RAI1: variants seen among roughly 807,000 people sequenced by gnomAD.
RAI1 encodes the protein retinoic acid induced 1, also known as retinoic acid-induced protein 1.
In RAI1, 9 loss-of-function variants were observed where a neutral mutation model predicts 123.8. The ratio of observed to expected loss-of-function variants is 0.07; its 90% confidence interval spans 0.04 to 0.13. The LOEUF is 0.13. RAI1 is among the 10% of genes least tolerant of loss of function. The pLI is 1.00. For missense variants in RAI1, 2,256 were observed against 2,545.8 expected (o/e 0.89, Z 2.45); for synonymous variants, 1,231 against 1,127.3 (o/e 1.09, Z -1.84).
rs962572167 is a variant in RAI1 at position 17,809,289 on chromosome 17, G to A, written c.5660-101G>A. The stretch of plus-strand genomic sequence containing the variant: ...TTGAAAAGAGCCCCTGCAGTCTGGA[G>A]CCTCGCGGGCAGTGCGGCTCCCCTC... On this transcript the variant is annotated intron_variant, in intron 4 of 5. Transcript: ENST00000353383. This position sits in a 1 kb window ranked among gnomAD's most constrained non-coding sequence, Gnocchi z 4.9. The A allele has an allele frequency of 7.0e-6, 7 of 1,000,898 alleles. No individual in the cohort carries two copies. Among genetic ancestry groups the A allele is most frequent in the Admixed American group, 1.7e-5 (1 of 58,910 alleles). 62.0% of individuals were successfully genotyped at this position (1,000,898 alleles called of 1,614,324 possible). A position where few individuals can be genotyped will look rare whatever the true frequency, so the allele number is the denominator to read the frequency against.
intron 2 of RAI1, among the ~76,000 whole-genome samples, chr17:17,735,621 T>C (rs1380596441): frequency 6.6e-6 from 1 of 152,088 alleles, no homozygotes; most frequent in Non-Finnish European, 1.5e-5. Flanking sequence ...CCTCCCAAAG[T>C]GCTGGGAATA....
intron 2 of RAI1, among the ~76,000 whole-genome samples, chr17:17,738,614 C>G (rs961898649): frequency 6.6e-6 from 1 of 152,192 alleles, no homozygotes; most frequent in East Asian, 1.9e-4. Context: ...TCCACCCCTC[C>G]GTGAGCTTCT....
At chr17:17,726,050 C>G (rs1284161154) in intron 2 of RAI1, among the ~76,000 whole-genome samples, 1 of 152,162 alleles carries the variant, frequency 6.6e-6, no homozygotes, top group Non-Finnish European at 1.5e-5. Context: ...ACTCCCCCTT[C>G]AAAGCCCAAC....
At chr17:17,746,166 G>A (rs2029907771) in intron 2 of RAI1, among the ~76,000 whole-genome samples, 1 of 152,182 alleles carries the variant, frequency 6.6e-6, no homozygotes, top group Admixed American at 6.5e-5. Context: ...CTTCTCCAGG[G>A]ACACGGGTGA....
intron 2 of RAI1, among the ~76,000 whole-genome samples, chr17:17,756,823 G>T (rs1292282980): frequency 6.6e-6 from 1 of 152,212 alleles, no homozygotes; most frequent in Non-Finnish European, 1.5e-5. Flanking sequence ...AGGAAGAGGG[G>T]CTTCTGTGAA....
rs754641170 is a variant in RAI1, at chr17:17,795,618, G to GCTGTCACCCAAGGCCCCA, written c.2673_2690dup (p.Ser892_Leu897dup). The GCTGTCACCCAAGGCCCCA allele has an allele frequency of 3.2e-5, 51 of 1,613,090 alleles. 1 individual carries two copies. In the South Asian group the frequency reaches 5.6e-4, roughly 18 times the overall value. On this transcript the variant is annotated inframe_insertion, in exon 3 of 6. Transcript: ENST00000353383. This position sits in a 1 kb window ranked among gnomAD's most constrained non-coding sequence, Gnocchi z 5.9. ...AGCAGAGGCCTGGCATGCAGGACCC[G>GCTGTCACCCAAGGCCCCA]CTGTCACCCAAGGCCCCACTCATCT...
chr17:17,762,510 C>T (rs2030746493), intron 2 of RAI1, among the ~76,000 whole-genome samples: 1 of 152,174 alleles, frequency 6.6e-6, no homozygotes, highest in African/African-American at 2.4e-5. Flanking sequence ...GGAGCTTCCC[C>T]ACCAAAGCAG....
At chr17:17,750,269 C>T (rs779529328) in intron 2 of RAI1, among the ~76,000 whole-genome samples, 2 of 152,236 alleles carry the variant, frequency 1.3e-5, no homozygotes, top group Non-Finnish European at 2.9e-5. Context: ...CAGAGCCAAC[C>T]GTTACCGAGT....
chr17:17,689,312 A>G (rs574817240), intron 1 of RAI1, among the ~76,000 whole-genome samples: 1 of 152,276 alleles, frequency 6.6e-6, no homozygotes, highest in East Asian at 1.9e-4. Context: ...CTTACCTGTA[A>G]TAACATTGGC....
intron 2 of RAI1, among the ~76,000 whole-genome samples, chr17:17,773,239 G>A (rs927626618): frequency 5.9e-5 from 9 of 152,150 alleles, no homozygotes; most frequent in Non-Finnish European, 1.3e-4. Flanking sequence ...TTCTCTGTCT[G>A]TAAAATGGTC....
intron 1 of RAI1, among the ~76,000 whole-genome samples, chr17:17,704,207 A>G (rs1915321269): frequency 6.6e-6 from 1 of 152,168 alleles, no homozygotes; most frequent in African/African-American, 2.4e-5. Context: ...AGTGCTGTTG[A>G]GGCAGCTGGG....
chr17:17,766,286 A>C (rs1431993223), intron 2 of RAI1: 3 of 152,210 alleles, frequency 2.0e-5, no homozygotes, highest in Non-Finnish European at 4.4e-5. Context: ...GGTGTCTGGG[A>C]AGCCGAGGGA....
intron 1 of RAI1, among the ~76,000 whole-genome samples, chr17:17,722,072 G>T (rs1915898508): frequency 6.6e-6 from 1 of 152,154 alleles, no homozygotes; most frequent in Non-Finnish European, 1.5e-5. Context: ...TCCTGCCAGA[G>T]CAGAGGGGCC....
chr17:17,742,368 C>T (rs1456801716), intron 2 of RAI1, among the ~76,000 whole-genome samples: 1 of 152,150 alleles, frequency 6.6e-6, no homozygotes, highest in African/African-American at 2.4e-5. Flanking sequence ...TTCTTACTGC[C>T]GAGGCCTGAG....
intron 1 of RAI1, among the ~76,000 whole-genome samples, chr17:17,704,284 GCTC>G (rs1915323764): frequency 6.6e-6 from 1 of 152,242 alleles, no homozygotes; most frequent in South Asian, 2.1e-4. Flanking sequence ...TGTGACCTTG[GCTC>G]CAGCACTGCT....
chr17:17,796,451 T>C lies in RAI1; in HGVS notation c.3503T>C (p.Leu1168Pro), dbSNP rs1442303479. The C allele has an allele frequency of 1.2e-5, 19 of 1,612,410 alleles. No homozygotes were observed. Among genetic ancestry groups the C allele is most frequent in the Non-Finnish European group, 1.5e-5 (18 of 1,179,890 alleles). The stretch of plus-strand genomic sequence containing the variant: ...CGGCGGAGGCCCTCTGAGGGCCGGC[T>C]CCCCAACTGCCGTGCCACCAAGAAG... ...SKRRRPSEGR[L>P]PNCRATKKLL... The change falls in exon 3 of 6, where the codon CTC becomes CCC. Residue 1168 changes from leucine to proline, a missense_variant. Leu to Pro is a moderately conservative substitution (Grantham distance 98, BLOSUM62 -3). This residue lies in a region of RAI1 where 322 missense variants were observed against 358.0 expected (regional missense o/e 0.90). Coordinates refer to ENST00000353383, the MANE Select transcript of RAI1 (RefSeq NM_030665.4). This position sits in a 1 kb window ranked among gnomAD's most constrained non-coding sequence, Gnocchi z 5.8.
rs1424273871 is a variant in RAI1 at position 17,801,000 on chromosome 17, A to G, written c.5565+2487A>G. Among the ~76,000 whole-genome samples the G allele has an allele frequency of 6.6e-6, 1 of 152,148 alleles. No homozygotes were observed. The highest frequency in any genetic ancestry group is 1.5e-5 in the Non-Finnish European group (1 of 68,026). On this transcript the variant is annotated intron_variant, in intron 3 of 5. Coordinates refer to ENST00000353383, the MANE Select transcript of RAI1 (RefSeq NM_030665.4). The surrounding 1 kb of genome is among the most constrained non-coding windows in gnomAD (Gnocchi z 4.7). ...ATGTGGGACCTGCCTGGCATGTGGA[A>G]GGGGCTTGGGGTGCAGCTGTGTCCC...
At chr17:17,781,367 A>G (rs2031574732) in intron 2 of RAI1, among the ~76,000 whole-genome samples, 1 of 152,170 alleles carries the variant, frequency 6.6e-6, no homozygotes, top group African/African-American at 2.4e-5. Flanking sequence ...AGTGAGGGAG[A>G]GATCCAGTCA....
intron 1 of RAI1, among the ~76,000 whole-genome samples, chr17:17,709,296 T>TTCCTGTC (rs1915489784): frequency 6.6e-6 from 1 of 152,198 alleles, no homozygotes; most frequent in Non-Finnish European, 1.5e-5. Flanking sequence ...GCTTTGCTGT[T>TTCCTGTC]TGCTGTCTGC....
Sources: allele counts gnomAD v4.1 joint callset (sites outside exome capture counted in the v4.1 genomes callset), GRCh38; gene constraint gnomAD v4.1.1; regional missense constraint gnomAD v4.1.1; non-coding constraint Gnocchi (gnomAD v3.1); transcripts MANE v1.5; gene names NCBI Gene and HGNC (gene_info 2026-07-23, HGNC 2026-07-21).